Variants in VSTM2A observed in about 807,000 individuals in gnomAD.
VSTM2A encodes V-set and transmembrane domain containing 2A.
Under a neutral mutation model 27.3 loss-of-function variants are expected in VSTM2A, and 13 were observed. The observed-to-expected ratio is 0.48, with a 90% CI of 0.31 to 0.76. VSTM2A has a LOEUF of 0.76. Ranked by LOEUF, VSTM2A falls within the 30% of genes least tolerant of loss-of-function variation. The probability of loss-of-function intolerance (pLI) is 0.05; values close to 1 mark genes in which losing one functional copy is unlikely to be tolerated. For missense variants in VSTM2A, 280 were observed against 310.0 expected, an observed-to-expected ratio of 0.90 and a Z score of 0.73; for synonymous variants, 142 against 125.7, an observed-to-expected ratio of 1.13 and a Z score of -0.87.
chr7:54,553,402 C>T (rs1379884306), intron 4 of VSTM2A, among the ~76,000 whole-genome samples: 2 of 152,188 alleles, frequency 1.3e-5, no homozygotes, highest in East Asian at 3.9e-4. Context: ...GTTCTGAACA[C>T]TCTCCAGTTT....
At position 54,570,740 on chromosome 7, in the gene VSTM2A, A is replaced by C. The variant is rs771717092; in HGVS notation, c.*1521A>C. On this transcript the variant is annotated 3_prime_UTR_variant, in exon 5 of 5. Transcript: ENST00000402613. Reference sequence around the variant, plus strand: ...TACATTATGGAATAGATAAAGCTTGAGAGATAAATGACCTAAGTTTTCCTT... The same window carrying C: ...TACATTATGGAATAGATAAAGCTTGCGAGATAAATGACCTAAGTTTTCCTT... 1 of 152,186 alleles carries C rather than the reference A, an allele frequency of 6.6e-6. No individual in the cohort carries two copies. The highest frequency in any genetic ancestry group is 1.5e-5 in the Non-Finnish European group (1 of 68,008). The allele number at this position is 152,186 out of a possible 1,614,324, so 9.4% of individuals were successfully genotyped here.
At chr7:54,549,198 A>G (rs1381612030) in intron 3 of VSTM2A, among the ~76,000 whole-genome samples, 1 of 152,156 alleles carries the variant, frequency 6.6e-6, no homozygotes, top group Admixed American at 6.5e-5. Flanking sequence ...CTATAATGGC[A>G]TGGGATACAT....
intron 2 of VSTM2A, among the ~76,000 whole-genome samples, chr7:54,545,966 AAGGGGTGGGAGAGGAGAGAGAATGAG>A (rs1278213294): frequency 3.4e-5 from 2 of 58,198 alleles, no homozygotes; most frequent in African/African-American, 7.4e-5. Flanking sequence ...AATGAGGGGG[AAGGGGTGGGAGAGGAGAGAGAATGAG>A]GGGGGAAGGG....
chr7:54,542,961 T>TA (rs1787833592), intron 1 of VSTM2A, among the ~76,000 whole-genome samples, 152 bp downstream of exon 1: 1 of 151,984 alleles, frequency 6.6e-6, no homozygotes, highest in Non-Finnish European at 1.5e-5. Flanking sequence ...CGATTTTTTT[T>TA]AAAGTTTATT....
chr7:54,562,177 C>A (rs1004728997), intron 4 of VSTM2A, among the ~76,000 whole-genome samples: 7 of 152,172 alleles, frequency 4.6e-5, no homozygotes, highest in Admixed American at 1.3e-4. Context: ...CTGCCTCGGC[C>A]TCCCAAAGTG....
At chr7:54,565,069 TATACATTCAAATGATA>T (rs1788679901) in intron 4 of VSTM2A, among the ~76,000 whole-genome samples, 3 of 17,026 alleles carry the variant, frequency 1.8e-4, no homozygotes, top group East Asian at 2.4e-3. Context: ...AAAAGATGAG[TATACATTCAAATGATA>T]GCTGCACATC....
Position 54,542,708 on chromosome 7 carries a change from T to C in VSTM2A, c.-23T>C. 1.2e-6 allele frequency: 2 copies of C among 1,611,878 alleles called. No homozygotes were observed. The highest frequency in any genetic ancestry group is 1.7e-6 in the Non-Finnish European group (2 of 1,178,360). On this transcript the variant is annotated 5_prime_UTR_variant, in exon 1 of 5. An upstream start codon of the reference 5' UTR is lost. Transcript: ENST00000402613. ...GCTTTTCGGCTGTTGGCTACACTGA[T>C]GTGACCCCCCTCCCTTTTTGGAATG... is the stretch of plus-strand genomic sequence containing the variant.
intron 4 of VSTM2A, chr7:54,558,757 A>G (rs1162478871): frequency 6.6e-6 from 1 of 152,134 alleles, no homozygotes; most frequent in East Asian, 1.9e-4. Context: ...TAATGCCAAA[A>G]GGAGACATAT....
intron 2 of VSTM2A, among the ~76,000 whole-genome samples, chr7:54,545,105 C>A (rs1336420971): frequency 6.6e-6 from 1 of 151,994 alleles, no homozygotes; most frequent in Non-Finnish European, 1.5e-5. Flanking sequence ...CATCCGGGAG[C>A]CCCTTTCCAG....
intron 4 of VSTM2A, among the ~76,000 whole-genome samples, chr7:54,562,151 C>G (rs558780826): frequency 2.5e-4 from 38 of 152,206 alleles, no homozygotes; most frequent in African/African-American, 9.1e-4. Context: ...CTTGATCTCT[C>G]GACCTCGTGA....
chr7:54,550,323 T>G (rs1018835836), intron 4 of VSTM2A, 153 bp downstream of exon 4: 3 of 1,464,078 alleles, frequency 2.0e-6, no homozygotes, highest in Non-Finnish European at 2.7e-6. Flanking sequence ...GCACCGAGCC[T>G]GCACCAATTC....
intron 4 of VSTM2A, chr7:54,559,814 T>C (rs1450447106): frequency 6.6e-6 from 1 of 152,112 alleles, no homozygotes; most frequent in African/African-American, 2.4e-5. Context: ...AAAGAATGTT[T>C]GGAGACATTA....
chr7:54,544,276 C>T (rs192171411), intron 1 of VSTM2A, among the ~76,000 whole-genome samples: 13 of 152,312 alleles, frequency 8.5e-5, no homozygotes, highest in Middle Eastern at 3.4e-3. Context: ...GACAGATTGC[C>T]TAAATTGTAT....
At chr7:54,558,883 A>G (rs1323092048) in intron 4 of VSTM2A, 1 of 152,144 alleles carries the variant, frequency 6.6e-6, no homozygotes, top group Non-Finnish European at 1.5e-5. Context: ...TTGAAGGTTA[A>G]AAGTTACAAA....
chr7:54,558,460 C>T (rs1264674136), intron 4 of VSTM2A: 1 of 152,076 alleles, frequency 6.6e-6, no homozygotes, highest in African/African-American at 2.4e-5. Flanking sequence ...TAATACTTAT[C>T]TGCCAAGGGT....
At chr7:54,558,888 TACAA>T (rs774826837) in intron 4 of VSTM2A, 4 of 152,118 alleles carry the variant, frequency 2.6e-5, no homozygotes, top group Non-Finnish European at 5.9e-5. Context: ...GGTTAAAAGT[TACAA>T]AATAATTTGC....
intron 3 of VSTM2A, 34 bp downstream of exon 3, chr7:54,547,031 A>G (rs751473431): frequency 2.1e-5 from 33 of 1,559,686 alleles, no homozygotes; most frequent in Non-Finnish European, 2.7e-5. Flanking sequence ...CCGCGGGCCC[A>G]GGCTCGGGAC....
intron 2 of VSTM2A, chr7:54,546,558 C>CCCCCGCCCG (rs1220576406): frequency 1.2e-4 from 16 of 136,338 alleles, no homozygotes; most frequent in African/African-American, 5.1e-4. Context: ...CCTGGCGCCC[C>CCCCCGCCCG]CCCGCCTGCC....
chr7:54,546,755 C>G, intron 2 of VSTM2A, 192 bp from the exon 3 acceptor site: 1 of 576,532 alleles, frequency 1.7e-6, no homozygotes, highest in South Asian at 2.2e-5. Flanking sequence ...CCAGGGACAG[C>G]GTGGGGTATG....
Sources: gnomAD v4.1 joint callset for allele counts (sites outside exome capture counted in the v4.1 genomes callset) on GRCh38, gnomAD v4.1.1 for gene constraint, MANE v1.5 for transcripts, NCBI Gene and HGNC (gene_info 2026-07-23, HGNC 2026-07-21) for gene names.